Variants in ADGRG1 observed in about 807,000 individuals in gnomAD.
ADGRG1 encodes adhesion G protein-coupled receptor G1, also known as 7-transmembrane protein with no EGF-like N-terminal domains-1.
Under a neutral mutation model 73.5 loss-of-function variants are expected in ADGRG1, and 53 were observed. That is an observed-to-expected ratio of 0.72 (90% CI 0.58 to 0.91). ADGRG1 has a LOEUF of 0.91. Among genes scored for constraint, ADGRG1 ranks in the 40% least tolerant of loss-of-function variants. The pLI is 0.00. For synonymous variants in ADGRG1, 394 were observed against 374.4 expected, an observed-to-expected ratio of 1.05 and a Z score of -0.60; for missense variants, 795 against 871.8, an observed-to-expected ratio of 0.91 and a Z score of 1.11.
chr16:57,642,598 T>C (rs2041136433), intron 1 of ADGRG1: 1 of 974,080 alleles, frequency 1.0e-6, no homozygotes. Context: ...ATCAGAGCCT[T>C]TGATATGCTA....
intron 3 of ADGRG1, chr16:57,651,842 T>A (rs1287940183): frequency 6.9e-6 from 10 of 1,446,712 alleles, no homozygotes; most frequent in Non-Finnish European, 9.1e-6. Flanking sequence ...TGTCCCTTGA[T>A]GGTTACTTTG....
intron 1 of ADGRG1, chr16:57,630,373 C>G: frequency 1.0e-6 from 1 of 985,506 alleles, no homozygotes; most frequent in Non-Finnish European, 1.2e-6. Context: ...CTGACCCCTT[C>G]TTTGCTGCAG....
intron 1 of ADGRG1, chr16:57,634,121 C>G: frequency 5.1e-6 from 5 of 985,432 alleles, no homozygotes; most frequent in Non-Finnish European, 6.0e-6. Flanking sequence ...CAGAACAGCA[C>G]TGTGGTCACT....
chr16:57,655,302 C>G, intron 5 of ADGRG1, 97 bp from the exon 6 acceptor site: 1 of 1,578,994 alleles, frequency 6.3e-7, no homozygotes, highest in South Asian at 1.1e-5. Flanking sequence ...GAAGTGGCAG[C>G]GTCCAGGAAC....
Position 57,634,864 on chromosome 16 carries a change from A to C in ADGRG1, c.-36+6062A>C, listed in dbSNP as rs2038965911. 3 of 611,042 alleles carry C rather than the reference A, an allele frequency of 4.9e-6. No homozygotes were observed. The South Asian group carries it at 2.2e-4, about 44-fold the overall frequency. The allele number at this position is 611,042 out of a possible 1,614,324, so 37.9% of individuals were successfully genotyped here. On this transcript the variant is annotated intron_variant, in intron 1 of 13. Coordinates refer to ENST00000562631, the MANE Select transcript of ADGRG1 (RefSeq NM_201525.4). The stretch of plus-strand genomic sequence containing the variant: ...TCACATGGGTCTTTCTAGCCGCATC[A>C]GGCCATGCTTGTGGGCAGGTGGTGC...
intron 5 of ADGRG1, chr16:57,654,857 G>A (rs547637398): frequency 1.4e-3 from 220 of 156,908 alleles, no homozygotes; most frequent in Middle Eastern, 3.2e-3. Flanking sequence ...TCCAGCCTGG[G>A]CAACAGAGCG....
At chr16:57,627,149 C>T (rs112632921), upstream of ADGRG1, 516 of 953,922 alleles carry the variant, frequency 5.4e-4, 9 homozygotes, top group African/African-American at 7.6e-3. Context: ...CTTTCTGCAG[C>T]TTGATTTCAA....
intron 10 of ADGRG1, among the ~76,000 whole-genome samples, chr16:57,658,059 A>G (rs1184735138): frequency 6.6e-6 from 1 of 152,204 alleles, no homozygotes. Flanking sequence ...AACATTTAAA[A>G]TTGAGAGAGT....
chr16:57,629,024 T>TTGAGTGAGAATGTGAGTG (rs1567670181), intron 1 of ADGRG1: 1 of 450,260 alleles, frequency 2.2e-6, no homozygotes, highest in Admixed American at 7.5e-5. Flanking sequence ...GACTGAGCGT[T>TTGAGTGAGAATGTGAGTG]TGAGTGTGAG....
chr16:57,633,834 C>T (rs77833556), intron 1 of ADGRG1, among the ~76,000 whole-genome samples: 2,420 of 152,270 alleles, frequency 0.016, 90 homozygotes, highest in East Asian at 0.14. Flanking sequence ...AGGATGTTAC[C>T]GGGAAAACCA....
intron 1 of ADGRG1, 124 bp downstream of exon 1, chr16:57,628,926 G>T: frequency 1.5e-6 from 1 of 662,444 alleles, no homozygotes; most frequent in Non-Finnish European, 1.7e-6. Context: ...GAGTGAGTGT[G>T]AGTGTGAGTG....
intron 11 of ADGRG1, 121 bp from the exon 12 acceptor site, chr16:57,660,647 G>C (rs2046863587): frequency 6.6e-7 from 1 of 1,523,674 alleles, no homozygotes. Context: ...AGATGGGGCT[G>C]GGTGGGCTTC....
At chr16:57,624,306 C>T (rs1435468724), upstream of ADGRG1, 17 of 209,278 alleles carry the variant, frequency 8.1e-5, no homozygotes, top group South Asian at 1.7e-4. Flanking sequence ...TCAAGACTAG[C>T]GTGGGCAACG....
rs762470074 is a variant in ADGRG1, at chr16:57,654,061, G to C, written c.696G>C (p.Arg232=). Reference sequence around the variant, plus strand: ...ACATGGTGTCCTTCGAGGAGGACCGGATCAACGCCACGGTGTGGAAGCTCC... The same window carrying C: ...ACATGGTGTCCTTCGAGGAGGACCGCATCAACGCCACGGTGTGGAAGCTCC... ...MGDMVSFEED[R]INATVWKLQP... Residue 232 remains arginine, a synonymous_variant, in exon 5 of 14, where the codon CGG becomes CGC. Transcript: ENST00000562631. 6.2e-7 allele frequency: 1 copy of C among 1,614,044 alleles called. No homozygotes were observed. Among genetic ancestry groups the C allele is most frequent in the South Asian group, 1.1e-5 (1 of 91,086 alleles).
chr16:57,628,355 A>C (rs1194389534), upstream of ADGRG1: 31 of 377,876 alleles, frequency 8.2e-5, no homozygotes, highest in Non-Finnish European at 1.1e-4. Context: ...CTGAGGAAGC[A>C]GAGTGATCCC....
At chr16:57,630,567 G>A (rs1395053913) in intron 1 of ADGRG1, 1 of 977,984 alleles carries the variant, frequency 1.0e-6, no homozygotes, top group African/African-American at 1.8e-5. Flanking sequence ...CGCTCCAGGT[G>A]TGATCTGTGA....
intron 1 of ADGRG1, among the ~76,000 whole-genome samples, chr16:57,644,487 C>T (rs1362944672): frequency 2.0e-5 from 3 of 147,826 alleles, no homozygotes; most frequent in Non-Finnish European, 4.5e-5. Context: ...CACCCATGCA[C>T]ACACATATGC....
intron 1 of ADGRG1, chr16:57,644,119 G>C (rs539014913): frequency 1.8e-5 from 18 of 984,458 alleles, no homozygotes; most frequent in Middle Eastern, 5.2e-4. Context: ...CGCCCTCCCT[G>C]TCCCCTTCCC....
chr16:57,647,114 G>A (rs1349749478), intron 1 of ADGRG1: 3 of 985,436 alleles, frequency 3.0e-6, no homozygotes, highest in African/African-American at 1.7e-5. Context: ...CAGACCTGGA[G>A]GGGTGGCATA....
Sources: gnomAD v4.1 joint callset for allele counts (sites outside exome capture counted in the v4.1 genomes callset) on GRCh38, gnomAD v4.1.1 for gene constraint, MANE v1.5 for transcripts, NCBI Gene and HGNC (gene_info 2026-07-23, HGNC 2026-07-21) for gene names.